CALN1: variants seen among roughly 807,000 people sequenced by gnomAD.
CALN1 encodes the protein calcium-binding protein 8.
Under a neutral mutation model 30.6 loss-of-function variants are expected in CALN1, and 17 were observed. The ratio of observed to expected loss-of-function variants is 0.56; its 90% CI spans 0.38 to 0.83. The LOEUF is 0.83. Among genes scored for constraint, CALN1 ranks in the 40% least tolerant of loss-of-function variants. The pLI is 0.00. For missense variants in CALN1, 291 were observed against 354.9 expected (o/e 0.82, Z 1.45); for synonymous variants, 156 against 131.4 (o/e 1.19, Z -1.28).
chr7:72,407,654 C>G (rs1274585671), intron 1 of CALN1, among the ~76,000 whole-genome samples: 1 of 152,144 alleles, frequency 6.6e-6, no homozygotes, highest in Non-Finnish European at 1.5e-5. Context: ...GAACCGTGAG[C>G]CCATTAAACC....
intron 1 of CALN1, among the ~76,000 whole-genome samples, chr7:72,409,029 T>C (rs1806911667): frequency 6.6e-6 from 1 of 151,712 alleles, no homozygotes; most frequent in African/African-American, 2.4e-5. Context: ...AGAGTCTTGC[T>C]CTGTGGCCCA....
intron 3 of CALN1, among the ~76,000 whole-genome samples, chr7:72,271,575 A>AAAAAAAAAATAT: frequency 7.7e-5 from 4 of 52,126 alleles, no homozygotes; most frequent in East Asian, 9.9e-4. Flanking sequence ...AAAAAAAAAA[A>AAAAAAAAAATAT]ATATATATAT....
chr7:71,858,706 A>T (rs1255686073), intron 5 of CALN1, among the ~76,000 whole-genome samples: 1 of 152,162 alleles, frequency 6.6e-6, no homozygotes, highest in Non-Finnish European at 1.5e-5. Flanking sequence ...AAGGCCAATC[A>T]GAGATTCAAA....
At chr7:72,369,545 G>C (rs1804096136) in intron 2 of CALN1, among the ~76,000 whole-genome samples, 1 of 151,814 alleles carries the variant, frequency 6.6e-6, no homozygotes, top group African/African-American at 2.4e-5. Flanking sequence ...ATTTTTAGTA[G>C]AGACGGGGTT....
At chr7:72,358,875 T>C (rs997950932) in intron 2 of CALN1, among the ~76,000 whole-genome samples, 1 of 151,836 alleles carries the variant, frequency 6.6e-6, no homozygotes, top group Non-Finnish European at 1.5e-5. Context: ...GGAGAATCGT[T>C]TGAACCCAGG....
intron 5 of CALN1, among the ~76,000 whole-genome samples, chr7:71,967,756 G>A (rs1392602342): frequency 6.6e-6 from 1 of 151,916 alleles, no homozygotes; most frequent in Non-Finnish European, 1.5e-5. Flanking sequence ...GAAGATTTGA[G>A]CATACATATT....
At chr7:72,141,605 G>A (rs114782085) in intron 3 of CALN1, among the ~76,000 whole-genome samples, 4 of 151,886 alleles carry the variant, frequency 2.6e-5, no homozygotes, top group African/African-American at 9.7e-5. Context: ...TTTCCATCTT[G>A]TCAATCAGGT....
At chr7:71,818,446 G>A (rs566176539) in intron 5 of CALN1, among the ~76,000 whole-genome samples, 1 of 152,136 alleles carries the variant, frequency 6.6e-6, no homozygotes, top group African/African-American at 2.4e-5. Flanking sequence ...GAAGGAATGA[G>A]GTGAGGGATA....
chr7:72,170,319 C>G (rs555117615), intron 3 of CALN1, among the ~76,000 whole-genome samples: 2 of 152,200 alleles, frequency 1.3e-5, no homozygotes, highest in African/African-American at 2.4e-5. Flanking sequence ...TAGTTCTACT[C>G]TCTTGTCTAT....
chr7:72,224,694 T>C (rs1248949865), intron 3 of CALN1, among the ~76,000 whole-genome samples: 8 of 150,664 alleles, frequency 5.3e-5, no homozygotes, highest in African/African-American at 7.3e-5. Flanking sequence ...GACACGAGAA[T>C]CGCTTGAACC....
rs1395822163 is a variant in CALN1, at chr7:71,804,558, C to T, written c.658+5778G>A. ...AACTCACTGGGTGCCGTGGCTCATGCCTGTATTTCCAGCACTTTGGGAGGC... is the reference window on the plus strand; with the variant it reads ...AACTCACTGGGTGCCGTGGCTCATGTCTGTATTTCCAGCACTTTGGGAGGC... On this transcript the variant is annotated intron_variant, in intron 6 of 6. Transcript: ENST00000395275. Among the ~76,000 whole-genome samples, 4 of 152,304 alleles carry T rather than the reference C, an allele frequency of 2.6e-5. 1 individual carries two copies. In the East Asian group the frequency reaches 7.7e-4, roughly 29 times the overall value.
chr7:72,192,658 ATTATTATTATTATTATACT>A (rs1264746394), intron 3 of CALN1, among the ~76,000 whole-genome samples: 1 of 68,204 alleles, frequency 1.5e-5, no homozygotes, highest in Non-Finnish European at 2.4e-5. Flanking sequence ...TATTATTATT[ATTATTATTATTATTATACT>A]TTAAGTTTTA....
At chr7:71,810,879 T>C (rs1265145579) in intron 5 of CALN1, among the ~76,000 whole-genome samples, 1 of 151,576 alleles carries the variant, frequency 6.6e-6, no homozygotes, top group Admixed American at 6.6e-5. Flanking sequence ...AATTCCCATA[T>C]TGGTTTAAGC....
chr7:71,886,254 G>T (rs180895046), intron 5 of CALN1, among the ~76,000 whole-genome samples: 123 of 152,366 alleles, frequency 8.1e-4, no homozygotes, highest in Non-Finnish European at 1.6e-3. Flanking sequence ...GTTAAATCCA[G>T]CAGGGTCCTT....
Position 71,944,594 on chromosome 7 carries a change from CAAAAAAAA to C in CALN1, c.501+79055_501+79062del, listed in dbSNP as rs10677940. On this transcript the variant is annotated intron_variant, in intron 5 of 6. Transcript: ENST00000395275. ...GGGCAATAAGAGTAAAACTCCATCC[CAAAAAAAA>C]AAAAAAAAAAAAAAAGAAAGAAAAC... 2.8e-3 allele frequency among the ~76,000 whole-genome samples: 166 copies of C among 60,030 alleles called. 1 individual carries two copies. The highest frequency in any genetic ancestry group is 0.01 in the African/African-American group (154 of 14,996). 39.4% of individuals were successfully genotyped at this position (60,030 alleles called of 152,430 possible). A position where few individuals can be genotyped will look rare whatever the true frequency, so the allele number is the denominator to read the frequency against.
At chr7:72,188,072 T>TA (rs904105120) in intron 3 of CALN1, among the ~76,000 whole-genome samples, 4 of 152,138 alleles carry the variant, frequency 2.6e-5, no homozygotes, top group African/African-American at 9.7e-5. Flanking sequence ...GGAGATTTCT[T>TA]AAAGAACTGA....
intron 5 of CALN1, among the ~76,000 whole-genome samples, chr7:71,908,469 G>A (rs1326832020): frequency 1.3e-5 from 2 of 152,118 alleles, no homozygotes; most frequent in Non-Finnish European, 2.9e-5. Flanking sequence ...GAAGCCTGGA[G>A]AAAGATCAAA....
intron 3 of CALN1, among the ~76,000 whole-genome samples, chr7:72,212,034 A>C (rs1483528617): frequency 1.3e-5 from 2 of 152,122 alleles, no homozygotes; most frequent in Non-Finnish European, 2.9e-5. Flanking sequence ...TTTCCAATTC[A>C]AATCCATGTT....
chr7:71,874,416 G>A (rs1262599665), intron 5 of CALN1, among the ~76,000 whole-genome samples: 1 of 151,954 alleles, frequency 6.6e-6, no homozygotes, highest in East Asian at 1.9e-4. Context: ...TCTAAAAGGT[G>A]ATTATTCTAT....
Sources: gnomAD v4.1 joint callset for allele counts (sites outside exome capture counted in the v4.1 genomes callset) on GRCh38, gnomAD v4.1.1 for gene constraint, MANE v1.5 for transcripts, NCBI Gene and HGNC (gene_info 2026-07-23, HGNC 2026-07-21) for gene names.